ANKRD16: variants seen among roughly 807,000 people sequenced by gnomAD.
ANKRD16 encodes the protein ankyrin repeat domain 16, also known as ankyrin repeat domain-containing protein 16.
ANKRD16 carries 35 observed loss-of-function variants against 37.9 expected under a neutral mutation model. That is an observed-to-expected ratio of 0.92 (90% CI 0.71 to 1.23). The LOEUF is 1.23. Ranked by LOEUF, ANKRD16 falls within the 50% of genes most tolerant of loss-of-function variation. ANKRD16 has a pLI of 0.00. For synonymous variants in ANKRD16, 206 were observed against 197.2 expected (o/e 1.04, Z -0.37); for missense variants, 480 against 469.9 (o/e 1.02, Z -0.20).
intron 3 of ANKRD16, among the ~76,000 whole-genome samples, 191 bp downstream of exon 3, chr10:5,885,532 G>A (rs1002347386): frequency 2.6e-5 from 4 of 151,892 alleles, no homozygotes; most frequent in Non-Finnish European, 4.4e-5. Context: ...TGATTTTGCC[G>A]CTGAAAACAT....
chr10:5,882,985 A>ACGTT, intron 5 of ANKRD16, 21 bp downstream of exon 5: 9 of 1,609,668 alleles, frequency 5.6e-6, no homozygotes, highest in Non-Finnish European at 7.6e-6. Flanking sequence ...AGCTCGGACA[A>ACGTT]CGTTATAAGA....
intron 7 of ANKRD16, among the ~76,000 whole-genome samples, chr10:5,867,319 G>A (rs936283898): frequency 6.6e-6 from 1 of 152,180 alleles, no homozygotes; most frequent in Non-Finnish European, 1.5e-5. Flanking sequence ...GTTCCTCCCC[G>A]GAGATTAAGG....
chr10:5,880,197 A>AG, intron 6 of ANKRD16, 101 bp downstream of exon 6: 1 of 317,342 alleles, frequency 3.2e-6, no homozygotes, highest in South Asian at 6.4e-5. Context: ...AAAAAAAAAA[A>AG]AAAAAAAGGA....
chr10:5,863,512 G>A lies in ANKRD16; in HGVS notation c.*34-821C>T, dbSNP rs528120230. Among the ~76,000 whole-genome samples, 9 of 152,004 alleles carry A rather than the reference G, an allele frequency of 5.9e-5. No homozygotes were observed. The highest frequency in any genetic ancestry group is 4.4e-5 in the Non-Finnish European group (3 of 68,002). ...ATACCAATCAGCACGCTGTAAAGTG[G>A]ACCAATCAGCACTCTGTAAAATGGA... is the stretch of plus-strand genomic sequence containing the variant. On this transcript the variant is annotated intron_variant, in intron 7 of 7. Coordinates refer to ENST00000380094, the MANE Select transcript of ANKRD16 (RefSeq NM_019046.3). The surrounding 1 kb of genome is among the most constrained non-coding windows in gnomAD (Gnocchi z 4.7).
Position 5,864,025 on chromosome 10 carries a change from C to T in ANKRD16, c.*34-1334G>A, listed in dbSNP as rs911929613. On this transcript the variant is annotated intron_variant, in intron 7 of 7. Transcript: ENST00000380094. The surrounding 1 kb of genome is among the most constrained non-coding windows in gnomAD (Gnocchi z 4.4). Reference sequence around the variant, plus strand: ...TGGCTCATTTTTTTCTGCACTACAGCCTGGCCCCAATATTCTCTCTCTGAT... The same window carrying T: ...TGGCTCATTTTTTTCTGCACTACAGTCTGGCCCCAATATTCTCTCTCTGAT... Among the ~76,000 whole-genome samples, 26 of 152,050 alleles carry T rather than the reference C, an allele frequency of 1.7e-4. No homozygotes were observed. The highest frequency in any genetic ancestry group is 3.1e-4 in the Non-Finnish European group (21 of 68,020).
In ANKRD16 at chr10:5,862,696, G is replaced by A. The variant is rs962413569; in HGVS notation, c.*34-5C>T. ...GTGCTCAGGCTCCCAGCAACTCTGT[G>A]AAGAAAGAGTTATTATCATCTCAGT... On this transcript the variant is annotated splice_polypyrimidine_tract_variant and splice_region_variant and intron_variant, in intron 7 of 7. Transcript: ENST00000380094. The surrounding 1 kb of genome is among the most constrained non-coding windows in gnomAD (Gnocchi z 6.5). The A allele has an allele frequency of 7.8e-7, 1 of 1,288,588 alleles. No homozygotes were observed. The highest frequency in any genetic ancestry group is 1.5e-5 in the African/African-American group (1 of 65,756). 79.8% of individuals were successfully genotyped at this position (1,288,588 alleles called of 1,614,324 possible).
In ANKRD16 at chr10:5,870,804, GGA is replaced by G. The variant is rs1267960470; in HGVS notation, c.*33+7291_*33+7292del. 6.6e-6 allele frequency among the ~76,000 whole-genome samples: 1 copy of G among 152,206 alleles called. No homozygotes were observed. The highest frequency in any genetic ancestry group is 2.4e-5 in the African/African-American group (1 of 41,448). On this transcript the variant is annotated intron_variant, in intron 7 of 7. Transcript: ENST00000380094. This position sits in a 1 kb window ranked among gnomAD's most constrained non-coding sequence, Gnocchi z 5.0. ...ACCTGGTTCACCTGTGGTGAAGCCA[GGA>G]GAGGTGTCATGTTGGTTGAAATGCC...
rs1046436118 is a variant in ANKRD16 at position 5,868,634 on chromosome 10, C to A, written c.*34-5943G>T. Among the ~76,000 whole-genome samples, 3 of 152,198 alleles carry A rather than the reference C, an allele frequency of 2.0e-5. No homozygotes were observed. The highest frequency in any genetic ancestry group is 2.0e-4 in the Admixed American group (3 of 15,280). ...TAAGGGAATAAAAGCTGGCCACCCC[C>A]AGCCAGCAGCGGCAACCCACTCGGG... On this transcript the variant is annotated intron_variant, in intron 7 of 7. Transcript: ENST00000380094. The surrounding 1 kb of genome is among the most constrained non-coding windows in gnomAD (Gnocchi z 4.9).
rs1483745583 is a variant in ANKRD16 at position 5,862,102 on chromosome 10, A to C, written c.*623T>G. 1 of 170,098 alleles carries C rather than the reference A, an allele frequency of 5.9e-6. No homozygotes were observed. Among genetic ancestry groups the C allele is most frequent in the Non-Finnish European group, 1.3e-5 (1 of 78,914 alleles). The allele number at this position is 170,098 out of a possible 1,614,324, so 10.5% of individuals were successfully genotyped here. On this transcript the variant is annotated 3_prime_UTR_variant, in exon 8 of 8. Transcript: ENST00000380094. This position sits in a 1 kb window ranked among gnomAD's most constrained non-coding sequence, Gnocchi z 6.5. ...TATTTTTAGTAAGAGACGGGGTTTC[A>C]CCACGTTAGCCAGGATGGTCTCGAT...
intron 7 of ANKRD16, among the ~76,000 whole-genome samples, chr10:5,875,284 AC>A (rs1320828627): frequency 6.6e-6 from 1 of 152,216 alleles, no homozygotes; most frequent in African/African-American, 2.4e-5. Context: ...TCTCGCATTT[AC>A]TAAGTGCTCA....
At chr10:5,867,761 T>C (rs1020191284) in intron 7 of ANKRD16, among the ~76,000 whole-genome samples, 9 of 152,202 alleles carry the variant, frequency 5.9e-5, no homozygotes, top group African/African-American at 2.2e-4. Flanking sequence ...ATCTACTTCA[T>C]TATCCTACTA....
At chr10:5,877,872 G>C (rs1439987555) in intron 7 of ANKRD16, among the ~76,000 whole-genome samples, 1 of 152,198 alleles carries the variant, frequency 6.6e-6, no homozygotes, top group Non-Finnish European at 1.5e-5. Context: ...TACTTTAAGA[G>C]TACAAAGAGT....
chr10:5,874,564 G>A lies in ANKRD16; in HGVS notation c.*33+3533C>T, dbSNP rs2131763024. On this transcript the variant is annotated intron_variant, in intron 7 of 7. Transcript: ENST00000380094. This position sits in a 1 kb window ranked among gnomAD's most constrained non-coding sequence, Gnocchi z 4.7. ...TCCTCTGCAGGGACTCCTTAAGAGG[G>A]AGGAGTCATGACTGACCCCCAGCTT... Among the ~76,000 whole-genome samples, 1 of 152,286 alleles carries A rather than the reference G, an allele frequency of 6.6e-6. No homozygotes were observed. Among genetic ancestry groups the A allele is most frequent in the East Asian group, 1.9e-4 (1 of 5,174 alleles).
Position 5,878,251 on chromosome 10 carries a change from C to T in ANKRD16, c.965G>A (p.Cys322Tyr), listed in dbSNP as rs1286454579. 1 of 1,614,074 alleles carries T rather than the reference C, an allele frequency of 6.2e-7. No homozygotes were observed. Among genetic ancestry groups the T allele is most frequent in the Non-Finnish European group, 8.5e-7 (1 of 1,180,008 alleles). ...HLACAGQHLA[C>Y]AKFLLQSGLK... is the part of the protein sequence containing the mutation. ...TCCCGACTGCAGGAGAAACTTGGCA[C>T]AGGCCAAGTGCTGACCTGCACAGGC... The change falls in exon 7 of 8, where the codon TGT (cysteine) becomes TAT (tyrosine). Residue 322 changes from cysteine to tyrosine, a missense_variant. Coordinates refer to ENST00000380094, the MANE Select transcript of ANKRD16 (RefSeq NM_019046.3). This position sits in a 1 kb window ranked among gnomAD's most constrained non-coding sequence, Gnocchi z 5.1.
At chr10:5,872,760 GT>G (rs1474933892) in intron 7 of ANKRD16, among the ~76,000 whole-genome samples, 2 of 151,850 alleles carry the variant, frequency 1.3e-5, no homozygotes, top group Non-Finnish European at 1.5e-5. Context: ...ATTTCACCGT[GT>G]TAGCCAAGAT....
intron 7 of ANKRD16, among the ~76,000 whole-genome samples, chr10:5,873,500 A>G (rs1052482249): frequency 3.3e-5 from 5 of 152,194 alleles, no homozygotes; most frequent in African/African-American, 7.2e-5. Context: ...AGACTAAGGG[A>G]AAATAAGAGT....
chr10:5,883,947 A>G, intron 4 of ANKRD16, 22 bp downstream of exon 4: 2 of 1,606,150 alleles, frequency 1.2e-6, no homozygotes, highest in Non-Finnish European at 1.7e-6. Flanking sequence ...CCAAAAGAAT[A>G]AAAACACAAC....
At position 5,888,999 on chromosome 10, in the gene ANKRD16, C is replaced by A. The variant is rs189163464; in HGVS notation, c.314+42G>T. 2.7e-4 allele frequency: 395 copies of A among 1,476,820 alleles called. 3 individuals are homozygous for A. The highest frequency in any genetic ancestry group is 2.2e-3 in the Middle Eastern group (9 of 4,018). The allele number at this position is 1,476,820 out of a possible 1,614,324, so 91.5% of individuals were successfully genotyped here. ...GCACAGGGAACTCGCTACGACTCTG[C>A]GAGTAGAGGGGAGGCGGGGTGTCTT... On this transcript the variant is annotated intron_variant, in intron 1 of 7. Coordinates refer to ENST00000380094, the MANE Select transcript of ANKRD16 (RefSeq NM_019046.3).
At chr10:5,885,341 C>T (rs767179386) in intron 3 of ANKRD16, among the ~76,000 whole-genome samples, 13 of 152,040 alleles carry the variant, frequency 8.6e-5, no homozygotes, top group Non-Finnish European at 1.6e-4. Flanking sequence ...CCACCACGCC[C>T]GGCTAATTTT....
Sources: gnomAD v4.1 joint callset for allele counts (sites outside exome capture counted in the v4.1 genomes callset) on GRCh38, gnomAD v4.1.1 for gene constraint, Gnocchi (gnomAD v3.1) non-coding constraint, MANE v1.5 for transcripts, NCBI Gene and HGNC (gene_info 2026-07-23, HGNC 2026-07-21) for gene names.